Variants in DST observed in about 807,000 individuals in gnomAD.
DST encodes dystonin.
In DST, 253 loss-of-function variants were observed where a neutral mutation model predicts 875.2. That is an observed-to-expected ratio of 0.29 (90% CI 0.26 to 0.32). The LOEUF (loss-of-function observed/expected upper bound fraction) is 0.32. Ranked by LOEUF, DST falls within the 10% of genes least tolerant of loss-of-function variation. The pLI, the probability that DST is intolerant of heterozygous loss-of-function variation, is 1.00. For missense variants in DST, 8,287 were observed against 9,111.6 expected (o/e 0.91, Z 3.68); for synonymous variants, 3,124 against 3,197.1 (o/e 0.98, Z 0.77).
At chr6:56,555,924 T>G (rs140944755) in intron 59 of DST, 84 bp from the exon 60 acceptor site, 1 of 1,310,402 alleles carries the variant, frequency 7.6e-7, no homozygotes, top group Non-Finnish European at 1.0e-6. Context: ...CAGACAGAAA[T>G]GGTAATTATT....
chr6:56,509,925 G>C, intron 73 of DST, 52 bp from the exon 74 acceptor site: 1 of 1,331,768 alleles, frequency 7.5e-7, no homozygotes, highest in Non-Finnish European at 1.0e-6. Flanking sequence ...GTAATACCAA[G>C]TGTGAAATTT....
chr6:56,840,064 A>T (rs1226269206), intron 4 of DST, among the ~76,000 whole-genome samples: 1 of 152,270 alleles, frequency 6.6e-6, no homozygotes, highest in Non-Finnish European at 1.5e-5. Flanking sequence ...GTAACATTTT[A>T]AAATTACATC....
rs1455736951 is a variant in DST at position 56,509,823 on chromosome 6, T to G, written c.18831A>C (p.Glu6277Asp). 1 of 1,613,660 alleles carries G rather than the reference T, an allele frequency of 6.2e-7. No individual in the cohort carries two copies. The highest frequency in any genetic ancestry group is 8.5e-7 in the Non-Finnish European group (1 of 1,179,678). ...QILESLERIV[E>D]RLRQPPSISA... is the part of the protein sequence containing the mutation. ...AGATAGAGGGTGGCTGCCTCAGACG[T>G]TCCACGATGCGTTCCAGGCTCTCAA... The change falls in exon 74 of 104, where the codon GAA becomes GAC. Residue 6277 changes from glutamate (E) to aspartate (D), a missense_variant. Glu to Asp is a conservative substitution (Grantham distance 45). This residue lies in a region of DST where 1,292 missense variants were observed against 1,552.7 expected (regional missense o/e 0.83). Coordinates refer to ENST00000680361, the MANE Select transcript of DST (RefSeq NM_001374736.1).
At chr6:56,657,851 A>G (rs1274378855) in intron 10 of DST, among the ~76,000 whole-genome samples, 2 of 150,548 alleles carry the variant, frequency 1.3e-5, no homozygotes, top group African/African-American at 4.9e-5. Context: ...CTGCAACCTC[A>G]GCCTCCCAGG....
intron 36 of DST, chr6:56,618,628 T>A: frequency 6.2e-7 from 1 of 1,614,174 alleles, no homozygotes; most frequent in Non-Finnish European, 8.5e-7. Flanking sequence ...GTCTTTCAAG[T>A]TCTTTAATGT....
At chr6:56,662,531 A>G (rs1304510401) in intron 10 of DST, among the ~76,000 whole-genome samples, 1 of 152,248 alleles carries the variant, frequency 6.6e-6, no homozygotes, top group African/African-American at 2.4e-5. Flanking sequence ...CCAGTCTCCC[A>G]TGAAGAGGAC....
intron 49 of DST, among the ~76,000 whole-genome samples, chr6:56,589,476 A>G (rs2152679676): frequency 6.6e-6 from 1 of 152,344 alleles, no homozygotes; most frequent in South Asian, 2.1e-4. Flanking sequence ...ACATGAAAGA[A>G]GGATCTGTGA....
chr6:56,504,372 G>A (rs1215390495), intron 77 of DST, among the ~76,000 whole-genome samples: 2 of 151,954 alleles, frequency 1.3e-5, no homozygotes, highest in Non-Finnish European at 2.9e-5. Flanking sequence ...AAAATCATTT[G>A]AAAACATTTA....
intron 4 of DST, among the ~76,000 whole-genome samples, chr6:56,760,665 T>G (rs2099614997): frequency 1.3e-5 from 2 of 152,348 alleles, no homozygotes; most frequent in Non-Finnish European, 2.9e-5. Flanking sequence ...TCCCTTATTC[T>G]GTCAATATAG....
intron 2 of DST, among the ~76,000 whole-genome samples, chr6:56,948,607 C>T (rs1247689490): frequency 6.6e-6 from 1 of 152,170 alleles, no homozygotes; most frequent in Non-Finnish European, 1.5e-5. Flanking sequence ...CCACGGGTAA[C>T]TGAAGCCATG....
intron 61 of DST, among the ~76,000 whole-genome samples, chr6:56,538,355 A>C (rs2097055748): frequency 6.6e-6 from 1 of 151,426 alleles, no homozygotes. Flanking sequence ...GAACTAAGGA[A>C]GGAAAGTTTT....
In DST at chr6:56,795,576, A is replaced by G. The variant is rs550592293; in HGVS notation, c.625+55821T>C. 3.9e-4 allele frequency among the ~76,000 whole-genome samples: 59 copies of G among 152,330 alleles called. No individual in the cohort carries two copies. The South Asian group carries it at 0.012, about 30-fold the overall frequency. ...AAAACAGTAGTTCTCAACTCTGGCT[A>G]CATCTTAGAATTACCTAGGGAGCTT... On this transcript the variant is annotated intron_variant, in intron 4 of 103. Coordinates refer to ENST00000680361, the MANE Select transcript of DST (RefSeq NM_001374736.1).
At chr6:56,560,871 C>T (rs2097527014) in intron 57 of DST, among the ~76,000 whole-genome samples, 1 of 152,110 alleles carries the variant, frequency 6.6e-6, no homozygotes. Flanking sequence ...ATCTTGCCAT[C>T]ACTGCTACCA....
intron 4 of DST, among the ~76,000 whole-genome samples, chr6:56,840,396 A>C (rs915435374): frequency 6.6e-6 from 1 of 152,222 alleles, no homozygotes; most frequent in African/African-American, 2.4e-5. Flanking sequence ...TTTCTAGCCT[A>C]AACAATAATA....
intron 5 of DST, among the ~76,000 whole-genome samples, chr6:56,705,122 T>C (rs2099328302): frequency 6.6e-6 from 1 of 152,238 alleles, no homozygotes; most frequent in Middle Eastern, 3.2e-3. Context: ...CAAGTAGGGA[T>C]AGCTCTAGTA....
Position 56,553,478 on chromosome 6 carries a change from T to C in DST, c.15314A>G (p.Lys5105Arg). The change falls in exon 61 of 104, where the codon AAA becomes AGA. Residue 5105 changes from lysine (K) to arginine (R), a missense_variant. Around this residue, in one of 10 missense-constraint regions of DST, gnomAD observed 1,513 missense variants for 1,677.8 expected, o/e 0.90. Transcript: ENST00000680361. ...SLIKDHKDFS[K>R]TLTAQSHMYE... Reference sequence around the variant, plus strand: ...CATATGAGACTGAGCGGTCAAAGTTTTACTAAAGTCTTTATGATCTTTAAT... The same window carrying C: ...CATATGAGACTGAGCGGTCAAAGTTCTACTAAAGTCTTTATGATCTTTAAT... The C allele has an allele frequency of 6.2e-7, 1 of 1,613,388 alleles. No individual in the cohort carries two copies. Among genetic ancestry groups the C allele is most frequent in the Non-Finnish European group, 8.5e-7 (1 of 1,179,748 alleles).
At chr6:56,620,444 C>G in intron 36 of DST, 1 of 1,614,146 alleles carries the variant, frequency 6.2e-7, no homozygotes, top group East Asian at 2.2e-5. Context: ...AAGTTCCCTG[C>G]GGTACTGCTT....
chr6:56,628,692 C>T (rs1178991444), intron 32 of DST, among the ~76,000 whole-genome samples: 4 of 152,138 alleles, frequency 2.6e-5, no homozygotes, highest in African/African-American at 7.2e-5. Context: ...TGGAGAATGG[C>T]ACTGTATCAT....
chr6:56,782,527 T>C (rs2099696214), intron 4 of DST, among the ~76,000 whole-genome samples: 1 of 152,258 alleles, frequency 6.6e-6, no homozygotes. Context: ...GTTTGTAGTA[T>C]TCTCTGATGG....
Sources: allele counts gnomAD v4.1 joint callset (sites outside exome capture counted in the v4.1 genomes callset), GRCh38; gene constraint gnomAD v4.1.1; regional missense constraint gnomAD v4.1.1; transcripts MANE v1.5; gene names NCBI Gene and HGNC (gene_info 2026-07-23, HGNC 2026-07-21).